Variants in SLC66A2 observed in about 807,000 individuals in gnomAD.
SLC66A2 encodes the protein PQ loop repeat containing 1.
SLC66A2 carries 23 observed loss-of-function variants against 25.5 expected under a neutral mutation model. The ratio of observed to expected loss-of-function variants is 0.90; its 90% CI spans 0.65 to 1.28. The LOEUF (loss-of-function observed/expected upper bound fraction) is 1.28, where lower values mean the gene tolerates loss of function less well. SLC66A2 is among the 50% of genes most tolerant of loss of function. The pLI, the probability that SLC66A2 is intolerant of heterozygous loss-of-function variation, is 0.00. For missense variants in SLC66A2, 396 were observed against 373.1 expected, an observed-to-expected ratio of 1.06 and a Z score of -0.51; for synonymous variants, 193 against 166.5, an observed-to-expected ratio of 1.16 and a Z score of -1.23.
intron 5 of SLC66A2, among the ~76,000 whole-genome samples, chr18:79,912,127 A>AGGGGGG (rs1983298486): frequency 1.5e-5 from 1 of 64,844 alleles, no homozygotes; most frequent in South Asian, 5.6e-4. Context: ...GGGAGCAGGG[A>AGGGGGG]GGGAGTGGGA....
At chr18:79,928,917 G>A (rs754752641) in intron 4 of SLC66A2, among the ~76,000 whole-genome samples, 7 of 152,262 alleles carry the variant, frequency 4.6e-5, no homozygotes, top group Non-Finnish European at 1.0e-4. Flanking sequence ...AAGACCAGAG[G>A]CAACAACTCA....
chr18:79,948,463 C>A (rs1308229195), intron 2 of SLC66A2, among the ~76,000 whole-genome samples: 12 of 152,184 alleles, frequency 7.9e-5, no homozygotes, highest in African/African-American at 2.9e-4. Context: ...TTCACAGCCT[C>A]GCAAGTAGCT....
At chr18:79,950,659 C>T (rs1049715036) in intron 2 of SLC66A2, 65 bp downstream of exon 2, 28 of 1,561,152 alleles carry the variant, frequency 1.8e-5, no homozygotes, top group Non-Finnish European at 2.4e-5. Flanking sequence ...CGGCCTCAAC[C>T]AGAAACCCCA....
In SLC66A2 at chr18:79,941,825, C is replaced by T. The variant is rs1019206955; in HGVS notation, c.337+1504G>A. ...AGGTCACAAGGTCTGGCCTCATGTC[C>T]AGAGCCCGAGGACAGCAGAAACACC... On this transcript the variant is annotated intron_variant, in intron 3 of 5. Coordinates refer to ENST00000397778, the MANE Select transcript of SLC66A2 (RefSeq NM_025078.5). The surrounding 1 kb of genome is among the most constrained non-coding windows in gnomAD (Gnocchi z 4.1). 8.5e-5 allele frequency: 13 copies of T among 152,326 alleles called. No individual in the cohort carries two copies. The highest frequency in any genetic ancestry group is 3.1e-4 in the African/African-American group (13 of 41,454). 9.4% of individuals were successfully genotyped at this position (152,326 alleles called of 1,614,324 possible). A position where few individuals can be genotyped will look rare whatever the true frequency, so the allele number is the denominator to read the frequency against.
rs34267076 is a variant in SLC66A2, at chr18:79,932,475, AAAAGAAAGAAAG to A, written c.391+1482_391+1493del. Among the ~76,000 whole-genome samples the A allele has an allele frequency of 6.6e-5, 10 of 151,720 alleles. No homozygotes were observed. In the East Asian group the frequency reaches 1.2e-3, roughly 18 times the overall value. On this transcript the variant is annotated intron_variant, in intron 4 of 5. Transcript: ENST00000397778. ...GGCAATGTGGATGTGTTGTGTTAAA[AAAAGAAAGAAAG>A]AAAGAAAGAAAAGAAAAAGAAACAC... is the stretch of plus-strand genomic sequence containing the variant.
At chr18:79,945,109 TAAG>T in intron 2 of SLC66A2, 1 of 152,386 alleles carries the variant, frequency 6.6e-6, no homozygotes, top group Admixed American at 6.5e-5. Flanking sequence ...GCCCAGCAGG[TAAG>T]AAGGTTCCAC....
rs1206093876 is a variant in SLC66A2 at position 79,937,886 on chromosome 18, T to A, written c.338-3864A>T. The stretch of plus-strand genomic sequence containing the variant: ...CTCAGCCTGCAGGAGTACTCAGCAA[T>A]CTTGTTAAAAATGCAGGTGGCACTG... On this transcript the variant is annotated intron_variant, in intron 3 of 5. Coordinates refer to ENST00000397778, the MANE Select transcript of SLC66A2 (RefSeq NM_025078.5). The surrounding 1 kb of genome is among the most constrained non-coding windows in gnomAD (Gnocchi z 5.4). Among the ~76,000 whole-genome samples, 1 of 152,060 alleles carries A rather than the reference T, an allele frequency of 6.6e-6. No homozygotes were observed. Among genetic ancestry groups the A allele is most frequent in the Admixed American group, 6.5e-5 (1 of 15,270 alleles).
intron 5 of SLC66A2, among the ~76,000 whole-genome samples, chr18:79,907,473 T>A (rs1311301579): frequency 1.3e-5 from 2 of 150,974 alleles, no homozygotes; most frequent in Non-Finnish European, 1.5e-5. Context: ...TGCCTCAGTC[T>A]CCCAAGTAGC....
intron 4 of SLC66A2, chr18:79,925,035 G>A (rs756558684): frequency 1.3e-5 from 2 of 152,362 alleles, no homozygotes; most frequent in Non-Finnish European, 2.9e-5. Context: ...GACACCTGGT[G>A]GGCATGGTGA....
At chr18:79,913,381 T>C (rs565721155) in intron 5 of SLC66A2, among the ~76,000 whole-genome samples, 42 of 152,250 alleles carry the variant, frequency 2.8e-4, no homozygotes, top group African/African-American at 1.0e-3. Context: ...TCAAATCCAG[T>C]AAAAACTGGA....
chr18:79,949,843 G>A (rs1166717713), intron 2 of SLC66A2: 1 of 152,186 alleles, frequency 6.6e-6, no homozygotes, highest in Admixed American at 6.5e-5. Flanking sequence ...GAGAGGCTGG[G>A]ATCACCCAGA....
At position 79,931,582 on chromosome 18, in the gene SLC66A2, C is replaced by G. The variant is rs145601125; in HGVS notation, c.391+2387G>C. On this transcript the variant is annotated intron_variant, in intron 4 of 5. Transcript: ENST00000397778. ...CCACATTTAGTAATGGACGTAACAA[C>G]TACACAGAAGAACAATAAATCATAG... 3.3e-5 allele frequency among the ~76,000 whole-genome samples: 5 copies of G among 152,322 alleles called. No individual in the cohort carries two copies. The South Asian group carries it at 6.2e-4, about 19-fold the overall frequency.
intron 4 of SLC66A2, 124 bp downstream of exon 4, chr18:79,933,845 C>T: frequency 3.8e-6 from 3 of 798,956 alleles, no homozygotes; most frequent in Non-Finnish European, 6.3e-6. Context: ...GCTGTAGACT[C>T]GGCCACGCTT....
In SLC66A2 at chr18:79,904,291, AC is replaced by A. The variant is rs1263093685; in HGVS notation, c.609-109del. 1 of 1,013,028 alleles carries A rather than the reference AC, an allele frequency of 9.9e-7. No homozygotes were observed. Among genetic ancestry groups the A allele is most frequent in the Non-Finnish European group, 1.5e-6 (1 of 663,158 alleles). The allele number at this position is 1,013,028 out of a possible 1,614,324, so 62.8% of individuals were successfully genotyped here. ...GCGGGGAGACCTGGGGCTCAGGGGCACCCAGGGGGCTAAGGGGACCCCCAGG... is the reference window on the plus strand; with the variant it reads ...GCGGGGAGACCTGGGGCTCAGGGGCACCAGGGGGCTAAGGGGACCCCCAGG... On this transcript the variant is annotated intron_variant, in intron 5 of 5. Transcript: ENST00000397778. The surrounding 1 kb of genome is among the most constrained non-coding windows in gnomAD (Gnocchi z 6.3).
chr18:79,933,001 A>C (rs908929119), intron 4 of SLC66A2, among the ~76,000 whole-genome samples: 3 of 152,224 alleles, frequency 2.0e-5, no homozygotes, highest in African/African-American at 7.2e-5. Context: ...CATCACAAGA[A>C]AACTACAGAC....
At chr18:79,911,539 C>A (rs1383002333) in intron 5 of SLC66A2, among the ~76,000 whole-genome samples, 1 of 152,244 alleles carries the variant, frequency 6.6e-6, no homozygotes, top group Non-Finnish European at 1.5e-5. Context: ...TCCCCGGGGC[C>A]CTGACGCACA....
chr18:79,950,190 A>G (rs1334799427), intron 2 of SLC66A2, among the ~76,000 whole-genome samples: 2 of 152,020 alleles, frequency 1.3e-5, no homozygotes, highest in African/African-American at 4.8e-5. Flanking sequence ...CCCTGTCTCT[A>G]CAAAAAATAC....
chr18:79,926,342 G>C (rs563104065), intron 4 of SLC66A2, among the ~76,000 whole-genome samples: 35 of 152,234 alleles, frequency 2.3e-4, no homozygotes, highest in African/African-American at 7.9e-4. Context: ...TGGGTGGGGA[G>C]CCCTTTCCAG....
Position 79,918,379 on chromosome 18 carries a change from G to A in SLC66A2, c.608+805C>T, listed in dbSNP as rs1049821213. Among the ~76,000 whole-genome samples the A allele has an allele frequency of 1.3e-5, 2 of 151,780 alleles. No homozygotes were observed. Among genetic ancestry groups the A allele is most frequent in the African/African-American group, 2.4e-5 (1 of 41,332 alleles). On this transcript the variant is annotated intron_variant, in intron 5 of 5. Coordinates refer to ENST00000397778, the MANE Select transcript of SLC66A2 (RefSeq NM_025078.5). This position sits in a 1 kb window ranked among gnomAD's most constrained non-coding sequence, Gnocchi z 4.0. Reference sequence around the variant, plus strand: ...GGGGGCTCAGGGTGTTCTCCGTGAGGAGCGGGCACCGGGGGGCGGATCCCC... The same window carrying A: ...GGGGGCTCAGGGTGTTCTCCGTGAGAAGCGGGCACCGGGGGGCGGATCCCC...
Sources: gnomAD v4.1 joint callset for allele counts (sites outside exome capture counted in the v4.1 genomes callset) on GRCh38, gnomAD v4.1.1 for gene constraint, Gnocchi (gnomAD v3.1) non-coding constraint, MANE v1.5 for transcripts, NCBI Gene and HGNC (gene_info 2026-07-23, HGNC 2026-07-21) for gene names.